Variants in ACVR1 observed in about 807,000 individuals in gnomAD.
The protein encoded by ACVR1 is activin A receptor type 1, also known as activin receptor type-1.
A neutral mutation model predicts 57.1 loss-of-function variants in ACVR1; 38 were observed. The ratio of observed to expected loss-of-function variants is 0.67; its 90% confidence interval spans 0.51 to 0.87. The LOEUF (loss-of-function observed/expected upper bound fraction) is 0.87. Ranked by LOEUF, ACVR1 falls within the 40% of genes least tolerant of loss-of-function variation. The pLI is 0.00. For missense variants in ACVR1, 463 were observed against 638.2 expected, an observed-to-expected ratio of 0.73 and a Z score of 2.96; for synonymous variants, 212 against 228.1, an observed-to-expected ratio of 0.93 and a Z score of 0.63.
chr2:157,780,668 T>C (rs1686482021), intron 3 of ACVR1, 68 bp from the exon 4 acceptor site: 3 of 1,569,844 alleles, frequency 1.9e-6, no homozygotes, highest in African/African-American at 2.7e-5. Flanking sequence ...TTCACCTTCA[T>C]TGAGGGAATG....
At chr2:157,739,032 A>T (rs960728995) in intron 9 of ACVR1, among the ~76,000 whole-genome samples, 2 of 152,256 alleles carry the variant, frequency 1.3e-5, no homozygotes, top group African/African-American at 4.8e-5. Context: ...AACCAAGACC[A>T]TCATCAAAAT....
Position 157,791,747 on chromosome 2 carries a change from G to A in ACVR1, c.67+7680C>T, listed in dbSNP as rs191965112. ...GGCTTGATTCCTATGCATGGCCAAA[G>A]CCTTCCTTTCAGAACACATTCTTTG... On this transcript the variant is annotated intron_variant, in intron 3 of 10. Coordinates refer to ENST00000434821, the MANE Select transcript of ACVR1 (RefSeq NM_001111067.4). Among the ~76,000 whole-genome samples the A allele has an allele frequency of 1.8e-3, 269 of 152,334 alleles. 1 individual carries two copies. The highest frequency in any genetic ancestry group is 6.1e-3 in the African/African-American group (253 of 41,578).
chr2:157,854,764 G>A (rs973907770), intron 1 of ACVR1, among the ~76,000 whole-genome samples: 7 of 150,212 alleles, frequency 4.7e-5, no homozygotes, highest in South Asian at 2.1e-4. Flanking sequence ...GGCCGGGTGC[G>A]ACCGATGGCT....
chr2:157,808,879 T>A (rs1435472179), intron 2 of ACVR1, among the ~76,000 whole-genome samples: 22 of 137,982 alleles, frequency 1.6e-4, no homozygotes, highest in East Asian at 1.5e-3. Flanking sequence ...GTAATACATT[T>A]AAAAAAAAAA....
chr2:157,748,897 A>T (rs1406365244), intron 9 of ACVR1, among the ~76,000 whole-genome samples: 1 of 152,218 alleles, frequency 6.6e-6, no homozygotes, highest in Admixed American at 6.5e-5. Context: ...CTCAATCCTT[A>T]GGAGAAAACA....
chr2:157,810,834 C>T (rs909661424), intron 2 of ACVR1, among the ~76,000 whole-genome samples: 14 of 152,190 alleles, frequency 9.2e-5, no homozygotes, highest in African/African-American at 3.1e-4. Flanking sequence ...CTCCATGTCC[C>T]CCATCCAGTC....
chr2:157,817,793 G>T (rs1172801030), intron 2 of ACVR1, among the ~76,000 whole-genome samples: 3 of 152,132 alleles, frequency 2.0e-5, no homozygotes, highest in Non-Finnish European at 4.4e-5. Context: ...AAGGTCAGGA[G>T]TTCGAGACCA....
At chr2:157,841,527 T>C (rs1688974648) in intron 1 of ACVR1, among the ~76,000 whole-genome samples, 2 of 152,148 alleles carry the variant, frequency 1.3e-5, no homozygotes, top group South Asian at 4.1e-4. Context: ...TGTCAGGACT[T>C]ACTTAAACTT....
intron 3 of ACVR1, among the ~76,000 whole-genome samples, chr2:157,797,973 A>G (rs1687180909): frequency 6.6e-6 from 1 of 152,204 alleles, no homozygotes; most frequent in South Asian, 2.1e-4. Flanking sequence ...AGCCCTTACC[A>G]GACACTGAAT....
At chr2:157,821,223 C>A (rs1358763426) in intron 1 of ACVR1, among the ~76,000 whole-genome samples, 1 of 152,166 alleles carries the variant, frequency 6.6e-6, no homozygotes, top group Non-Finnish European at 1.5e-5. Flanking sequence ...GATATACACA[C>A]TAATTAAAAT....
chr2:157,836,660 TC>T (rs1688792831), intron 1 of ACVR1, among the ~76,000 whole-genome samples: 1 of 152,088 alleles, frequency 6.6e-6, no homozygotes, highest in Admixed American at 6.5e-5. Context: ...ATCACCACCT[TC>T]TGACAGCAGA....
At chr2:157,859,609 A>G (rs1689656453) in intron 1 of ACVR1, among the ~76,000 whole-genome samples, 1 of 152,110 alleles carries the variant, frequency 6.6e-6, no homozygotes, top group Non-Finnish European at 1.5e-5. Context: ...GCCTGCAGTT[A>G]TCAGATTCTC....
chr2:157,846,943 A>C (rs1237033494), intron 1 of ACVR1, among the ~76,000 whole-genome samples: 2 of 152,206 alleles, frequency 1.3e-5, no homozygotes, highest in Non-Finnish European at 2.9e-5. Flanking sequence ...ATATTCCTCT[A>C]TTATAAAAAG....
chr2:157,855,296 G>GTA (rs1689476134), intron 1 of ACVR1, among the ~76,000 whole-genome samples: 2 of 78,632 alleles, frequency 2.5e-5, no homozygotes, highest in Admixed American at 1.4e-4. Context: ...GTGTGTGTGT[G>GTA]TGTGTGTGTG....
chr2:157,852,334 TA>T lies in ACVR1; in HGVS notation c.-183+23461del, dbSNP rs1396045347. ...GCAACATGGCAAAACCCCATCTCTA[TA>T]AAAAATACAAAAATTAGCTGGGCAT... On this transcript the variant is annotated intron_variant, in intron 1 of 10. Coordinates refer to ENST00000434821, the MANE Select transcript of ACVR1 (RefSeq NM_001111067.4). Among the ~76,000 whole-genome samples, 11 of 151,462 alleles carry T rather than the reference TA, an allele frequency of 7.3e-5. No homozygotes were observed. The East Asian group carries it at 2.1e-3, about 30-fold the overall frequency.
chr2:157,863,894 G>A (rs1689822349), intron 1 of ACVR1, among the ~76,000 whole-genome samples: 1 of 135,786 alleles, frequency 7.4e-6, no homozygotes, highest in Non-Finnish European at 1.5e-5. Flanking sequence ...TTGAGATGGA[G>A]TCTCGCTCTG....
intron 1 of ACVR1, among the ~76,000 whole-genome samples, chr2:157,845,568 T>C (rs895465776): frequency 6.6e-6 from 1 of 152,164 alleles, no homozygotes; most frequent in African/African-American, 2.4e-5. Context: ...TCCACAACTT[T>C]GGCAGTTACA....
At position 157,822,945 on chromosome 2, in the gene ACVR1, G is replaced by A. The variant is rs138070930; in HGVS notation, c.-182-4386C>T. On this transcript the variant is annotated intron_variant, in intron 1 of 10. Coordinates refer to ENST00000434821, the MANE Select transcript of ACVR1 (RefSeq NM_001111067.4). Reference sequence around the variant, plus strand: ...CGTATGTTGAAGTCACCAATTTAAAGACTCAGTTTACTTCTAAAACTTATT... The same window carrying A: ...CGTATGTTGAAGTCACCAATTTAAAAACTCAGTTTACTTCTAAAACTTATT... Among the ~76,000 whole-genome samples the A allele has an allele frequency of 3.9e-3, 589 of 152,320 alleles. 2 individuals carry two copies. The highest frequency in any genetic ancestry group is 0.013 in the African/African-American group (542 of 41,580).
chr2:157,743,035 T>C (rs1335337566), intron 9 of ACVR1, among the ~76,000 whole-genome samples: 1 of 152,164 alleles, frequency 6.6e-6, no homozygotes, highest in African/African-American at 2.4e-5. Context: ...TCCCCACCAC[T>C]GTCCTTCACA....
Sources: gnomAD v4.1 joint callset for allele counts (sites outside exome capture counted in the v4.1 genomes callset) on GRCh38, gnomAD v4.1.1 for gene constraint, MANE v1.5 for transcripts, NCBI Gene and HGNC (gene_info 2026-07-23, HGNC 2026-07-21) for gene names.